The following SAMHD1 variants were observed in gnomAD, a reference collection of about 807,000 sequenced individuals.
SAMHD1 encodes the protein SAM and HD domain containing deoxynucleoside triphosphate triphosphohydrolase 1.
Under a neutral mutation model 79.6 loss-of-function variants are expected in SAMHD1, and 54 were observed. The ratio of observed to expected loss-of-function variants is 0.68; its 90% confidence interval spans 0.55 to 0.85. The LOEUF is 0.85. Among genes scored for constraint, SAMHD1 ranks in the 40% least tolerant of loss-of-function variants. The pLI is 0.00. For synonymous variants in SAMHD1, 260 were observed against 264.1 expected (o/e 0.98, Z 0.15); for missense variants, 663 against 782.7 (o/e 0.85, Z 1.82).
At chr20:36,921,516 C>A (rs1204673002) in intron 6 of SAMHD1, among the ~76,000 whole-genome samples, 1 of 150,722 alleles carries the variant, frequency 6.6e-6, no homozygotes, top group African/African-American at 2.4e-5. Context: ...GAATTAATAT[C>A]ATTGGTATTG....
chr20:36,941,183 A>G, intron 2 of SAMHD1, 72 bp from the exon 3 acceptor site: 1 of 1,017,154 alleles, frequency 9.8e-7, no homozygotes, highest in South Asian at 1.3e-5. Context: ...TATAGTAGAC[A>G]TAATAAACTT....
At chr20:36,928,696 A>G (rs540193947) in intron 5 of SAMHD1, among the ~76,000 whole-genome samples, 8 of 150,746 alleles carry the variant, frequency 5.3e-5, no homozygotes, top group African/African-American at 1.2e-4. Context: ...GGAAAAAAAA[A>G]AAAGAAAATC....
At chr20:36,909,546 C>T (rs975862308) in intron 11 of SAMHD1, among the ~76,000 whole-genome samples, 9 of 151,664 alleles carry the variant, frequency 5.9e-5, no homozygotes, top group Non-Finnish European at 1.2e-4. Flanking sequence ...TGGTGGGCGC[C>T]TGTAATCCCA....
At chr20:36,903,122 C>G (rs1319594217) in intron 13 of SAMHD1, among the ~76,000 whole-genome samples, 1 of 152,116 alleles carries the variant, frequency 6.6e-6, no homozygotes, top group Non-Finnish European at 1.5e-5. Context: ...GCCTGATGAG[C>G]TAGGAAAACA....
At chr20:36,939,075 C>CAAAAAAAAAAAAAAAAA (rs1178988134) in intron 3 of SAMHD1, among the ~76,000 whole-genome samples, 6 of 22,534 alleles carry the variant, frequency 2.7e-4, no homozygotes, top group Non-Finnish European at 3.5e-4. Flanking sequence ...CTAAAAATAC[C>CAAAAAAAAAAAAAAAAA]AAAAAAAAAA....
intron 11 of SAMHD1, among the ~76,000 whole-genome samples, chr20:36,909,109 G>A (rs1449153336): frequency 1.3e-5 from 2 of 151,922 alleles, no homozygotes; most frequent in Non-Finnish European, 1.5e-5. Context: ...TTACAGGTGC[G>A]TGCCACCACG....
chr20:36,906,441 T>C (rs1669024712), intron 11 of SAMHD1, among the ~76,000 whole-genome samples: 2 of 151,912 alleles, frequency 1.3e-5, no homozygotes, highest in African/African-American at 4.8e-5. Context: ...ATCTAAAAAA[T>C]AAAAATAATA....
chr20:36,933,821 C>A (rs1207990431), intron 4 of SAMHD1, among the ~76,000 whole-genome samples: 1 of 151,728 alleles, frequency 6.6e-6, no homozygotes. Flanking sequence ...CCGAGGCGGG[C>A]GGATCACGAG....
In SAMHD1 at chr20:36,917,022, T is replaced by G; in HGVS notation, c.880A>C (p.Lys294Gln). The G allele has an allele frequency of 6.2e-7, 1 of 1,613,992 alleles. No individual in the cohort carries two copies. The highest frequency in any genetic ancestry group is 2.2e-5 in the East Asian group (1 of 44,870). Residue 294 changes from lysine to glutamine, a missense_variant, in exon 8 of 16, where the codon AAA becomes CAA. Coordinates refer to ENST00000646673, the MANE Select transcript of SAMHD1 (RefSeq NM_015474.4). ...LWPYKGRPENKSFLYEIVSNK... is the reference protein window; with the variant it reads ...LWPYKGRPENQSFLYEIVSNK... The stretch of plus-strand genomic sequence containing the variant: ...GATACTATCTCATAAAGGAAGCTTT[T>G]GTTTTCAGGACGCCCTTTATATGGC...
chr20:36,921,099 A>G (rs914073071), intron 6 of SAMHD1, among the ~76,000 whole-genome samples: 1 of 152,006 alleles, frequency 6.6e-6, no homozygotes, highest in South Asian at 2.1e-4. Context: ...AACAACAACA[A>G]CAACAAACAA....
intron 7 of SAMHD1, among the ~76,000 whole-genome samples, chr20:36,918,522 G>C (rs1235602985): frequency 6.6e-6 from 1 of 151,708 alleles, no homozygotes; most frequent in South Asian, 2.1e-4. Flanking sequence ...TTTATGGCCG[G>C]GCGCGGTGGC....
At chr20:36,903,094 G>A (rs1488988558) in intron 13 of SAMHD1, among the ~76,000 whole-genome samples, 1 of 152,180 alleles carries the variant, frequency 6.6e-6, no homozygotes, top group Non-Finnish European at 1.5e-5. Flanking sequence ...AGAAAGTGAG[G>A]ACACAATAAA....
At chr20:36,907,727 C>T (rs1601121621) in intron 11 of SAMHD1, among the ~76,000 whole-genome samples, 1 of 151,058 alleles carries the variant, frequency 6.6e-6, no homozygotes, top group African/African-American at 2.4e-5. Flanking sequence ...CTGCCCACTT[C>T]GGCCTCCCAA....
At chr20:36,901,224 G>T (rs548244924) in intron 13 of SAMHD1, among the ~76,000 whole-genome samples, 2 of 152,128 alleles carry the variant, frequency 1.3e-5, no homozygotes, top group South Asian at 4.1e-4. Context: ...GAGTGCAGTG[G>T]TGCGATCTCA....
In SAMHD1 at chr20:36,900,852, A is replaced by G. The variant is rs576365715; in HGVS notation, c.1504-2308T>C. On this transcript the variant is annotated intron_variant, in intron 13 of 15. Transcript: ENST00000646673. ...CTCCCAAAGTGCTGGGATTACAGGC[A>G]TGAGCCACCGTGCCCGGCCTATTAC... Among the ~76,000 whole-genome samples, 32 of 152,136 alleles carry G rather than the reference A, an allele frequency of 2.1e-4. No homozygotes were observed. In the East Asian group the frequency reaches 4.2e-3, roughly 20 times the overall value.
chr20:36,911,030 G>A (rs1468555322), intron 11 of SAMHD1, among the ~76,000 whole-genome samples, 188 bp downstream of exon 11: 1 of 152,110 alleles, frequency 6.6e-6, no homozygotes, highest in Non-Finnish European at 1.5e-5. Context: ...AAGGCAGGAA[G>A]ATCGCTTGAG....
chr20:36,912,810 G>C (rs1213237538), intron 9 of SAMHD1, among the ~76,000 whole-genome samples: 1 of 130,430 alleles, frequency 7.7e-6, no homozygotes, highest in Non-Finnish European at 1.6e-5. Context: ...TGCTCAGGCT[G>C]GTCTTAAGTG....
At chr20:36,893,535 C>T (rs532791252) in intron 15 of SAMHD1, 6 of 274,982 alleles carry the variant, frequency 2.2e-5, no homozygotes, top group African/African-American at 1.1e-4. Flanking sequence ...AAAGCTCTAA[C>T]GTTGGTCCCA....
intron 4 of SAMHD1, among the ~76,000 whole-genome samples, chr20:36,932,296 A>G (rs1038463282): frequency 2.2e-5 from 3 of 137,904 alleles, no homozygotes; most frequent in Admixed American, 8.2e-5. Context: ...GGTTGTGGTG[A>G]GCCGAGATTG....
Sources: allele counts gnomAD v4.1 joint callset (sites outside exome capture counted in the v4.1 genomes callset), GRCh38; gene constraint gnomAD v4.1.1; transcripts MANE v1.5; gene names NCBI Gene and HGNC (gene_info 2026-07-23, HGNC 2026-07-21).